Variants in NDRG4 observed in about 807,000 individuals in gnomAD.
The protein encoded by NDRG4 is protein NDRG4.
Under a neutral mutation model 55.8 loss-of-function variants are expected in NDRG4, and 38 were observed. The observed-to-expected ratio is 0.68, with a 90% CI of 0.53 to 0.89. The LOEUF is 0.89. Among genes scored for constraint, NDRG4 ranks in the 40% least tolerant of loss-of-function variants. NDRG4 has a pLI of 0.00. For synonymous variants in NDRG4, 190 were observed against 182.7 expected (o/e 1.04, Z -0.32); for missense variants, 455 against 468.6 (o/e 0.97, Z 0.27).
Position 58,503,595 on chromosome 16 carries a change from T to C in NDRG4, c.22-203T>C, listed in dbSNP as rs534514385. On this transcript the variant is annotated intron_variant, in intron 1 of 14. Coordinates refer to ENST00000570248, the MANE Select transcript of NDRG4 (RefSeq NM_001242835.2). The stretch of plus-strand genomic sequence containing the variant: ...CCTTCCCCATGCAGATCAGTTCACA[T>C]TGTCTCTGTACTGAACAGCCCTGAG... 58 of 984,646 alleles carry C rather than the reference T, an allele frequency of 5.9e-5. No homozygotes were observed. The East Asian group carries it at 1.0e-3, about 18-fold the overall frequency. The allele number at this position is 984,646 out of a possible 1,614,324, so 61.0% of individuals were successfully genotyped here. A position where few individuals can be genotyped will look rare whatever the true frequency, so the allele number is the denominator to read the frequency against.
In NDRG4 at chr16:58,509,297, G is replaced by A. The variant is rs373772449; in HGVS notation, c.814-4G>A. On this transcript the variant is annotated splice_polypyrimidine_tract_variant and splice_region_variant and intron_variant, in intron 12 of 14. Transcript: ENST00000570248. ...AAAGCATGTGCTTGTCCTGCCCTCC[G>A]CAGCCAGGGAAGCTGACTGAAGCCT... is the stretch of plus-strand genomic sequence containing the variant. 20 of 1,613,922 alleles carry A rather than the reference G, an allele frequency of 1.2e-5. No homozygotes were observed. The highest frequency in any genetic ancestry group is 6.7e-5 in the African/African-American group (5 of 74,932).
intron 1 of NDRG4, chr16:58,500,583 C>G (rs756335961): frequency 9.0e-5 from 48 of 535,060 alleles, no homozygotes; most frequent in Non-Finnish European, 1.4e-4. Flanking sequence ...CTGCATTGCC[C>G]GTGTGGACCC....
In NDRG4 at chr16:58,513,196, G is replaced by GTGTGTGTA. The variant is rs367680752; in HGVS notation, c.*1621_*1622insGTGTGTAT. On this transcript the variant is annotated 3_prime_UTR_variant, in exon 15 of 15. Coordinates refer to ENST00000570248, the MANE Select transcript of NDRG4 (RefSeq NM_001242835.2). ...TGTGTGTGTGTGTGTGTGTGTGTGTGTACATCGGGTCCTCCCATGTGTGGT... is the reference window on the plus strand; with the variant it reads ...TGTGTGTGTGTGTGTGTGTGTGTGTGTGTGTGTATACATCGGGTCCTCCCATGTGTGGT... 2,347 of 150,530 alleles carry GTGTGTGTA rather than the reference G, an allele frequency of 0.016. 33 individuals are homozygous for GTGTGTGTA. Among genetic ancestry groups the GTGTGTGTA allele is most frequent in the Middle Eastern group, 0.1 (30 of 290 alleles). The allele number at this position is 150,530 out of a possible 1,614,324, so 9.3% of individuals were successfully genotyped here.
upstream of NDRG4, among the ~76,000 whole-genome samples, chr16:58,497,394 A>T (rs1041787126): frequency 6.6e-5 from 10 of 152,220 alleles, no homozygotes; most frequent in Non-Finnish European, 1.5e-5. Flanking sequence ...AGCCTGGCAC[A>T]TGGAGGACAT....
chr16:58,505,098 C>T (rs975686248), intron 5 of NDRG4, among the ~76,000 whole-genome samples: 5 of 152,016 alleles, frequency 3.3e-5, no homozygotes, highest in East Asian at 3.9e-4. Context: ...ACCTGTAATC[C>T]CAGCACTTTG....
Position 58,511,666 on chromosome 16 carries a change from G to A in NDRG4, c.*90G>A. On this transcript the variant is annotated 3_prime_UTR_variant, in exon 15 of 15. Transcript: ENST00000570248. ...TTCCCTTTAGTTTATTTTTGTGAGG[G>A]CAAAGGGGAGGAAATGGGGTTCTGT... The A allele has an allele frequency of 6.7e-7, 1 of 1,500,926 alleles. No individual in the cohort carries two copies. The highest frequency in any genetic ancestry group is 9.3e-7 in the Non-Finnish European group (1 of 1,079,482). The allele number at this position is 1,500,926 out of a possible 1,614,324, so 93.0% of individuals were successfully genotyped here.
At position 58,511,453 on chromosome 16, in the gene NDRG4, C is replaced by T. The variant is rs1347068319; in HGVS notation, c.936C>T (p.Arg312=). 6.2e-7 allele frequency: 1 copy of T among 1,612,424 alleles called. No individual in the cohort carries two copies. Among genetic ancestry groups the T allele is most frequent in the East Asian group, 2.2e-5 (1 of 44,856 alleles). The part of the protein sequence containing the change: ...VPSASMTRLA[R]SRTASLTSAS... ...CAGCCAGCATGACCCGCCTGGCACGCTCCCGCACTGCATCCCTCACCAGTG... is the reference window on the plus strand; with the variant it reads ...CAGCCAGCATGACCCGCCTGGCACGTTCCCGCACTGCATCCCTCACCAGTG... Residue 312 remains arginine (R), a synonymous_variant, in exon 15 of 15, where the codon CGC becomes CGT. Transcript: ENST00000570248.
rs2033991045 is a variant in NDRG4, at chr16:58,478,548, A to G, written c.-23-9208A>G. On this transcript the variant is annotated intron_variant, in intron 1 of 15. Transcript: ENST00000258187. The stretch of plus-strand genomic sequence containing the variant: ...TTAGGAAAGCTGGTAAAATATATGT[A>G]CGTTCTGTATATTACTTAACAGTAT... Among the ~76,000 whole-genome samples the G allele has an allele frequency of 2.0e-5, 3 of 152,162 alleles. No individual in the cohort carries two copies. In the South Asian group the frequency reaches 6.2e-4, roughly 32 times the overall value.
chr16:58,503,998 A>G (rs1276759250), intron 2 of NDRG4, 95 bp downstream of exon 2: 1 of 1,503,422 alleles, frequency 6.7e-7, no homozygotes. Flanking sequence ...TGTCAGCCCC[A>G]CTCACACTCA....
upstream of NDRG4, chr16:58,500,050 A>C: frequency 7.0e-7 from 1 of 1,420,708 alleles, no homozygotes. Context: ...GCTCCTGGTA[A>C]GCGAGTGGCT....
At chr16:58,503,607 T>C in intron 1 of NDRG4, 191 bp from the exon 2 acceptor site, 1 of 1,108,060 alleles carries the variant, frequency 9.0e-7, no homozygotes, top group Non-Finnish European at 1.3e-6. Context: ...GTCTCTGTAC[T>C]GAACAGCCCT....
chr16:58,487,388 T>TG (rs2035219100), intron 1 of NDRG4, among the ~76,000 whole-genome samples: 1 of 151,938 alleles, frequency 6.6e-6, no homozygotes, highest in Admixed American at 6.6e-5. Context: ...AAGGTGGTGG[T>TG]GTGCACCTGT....
chr16:58,484,762 C>A (rs1014979204), intron 1 of NDRG4, among the ~76,000 whole-genome samples: 3 of 152,122 alleles, frequency 2.0e-5, no homozygotes, highest in African/African-American at 7.2e-5. Flanking sequence ...ACTTCATAGA[C>A]CCTGGCGTTC....
intron 1 of NDRG4, among the ~76,000 whole-genome samples, chr16:58,465,955 C>A (rs999512827): frequency 6.6e-6 from 1 of 152,158 alleles, no homozygotes; most frequent in South Asian, 2.1e-4. Flanking sequence ...GGAAGGGAAC[C>A]GCGCAGGCCA....
chr16:58,474,238 T>C (rs1405803676), intron 1 of NDRG4, among the ~76,000 whole-genome samples: 1 of 152,114 alleles, frequency 6.6e-6, no homozygotes, highest in East Asian at 1.9e-4. Context: ...AGACGGGGTT[T>C]CACCATGTTG....
chr16:58,511,834 C>G lies in NDRG4; in HGVS notation c.*258C>G. On this transcript the variant is annotated 3_prime_UTR_variant, in exon 15 of 15. Coordinates refer to ENST00000570248, the MANE Select transcript of NDRG4 (RefSeq NM_001242835.2). ...CTCATCCCACTCCCGGCGGCCCAGG[C>G]ACAGAAGGGCAGGGCCATAGGGAGG... 1 of 534,192 alleles carries G rather than the reference C, an allele frequency of 1.9e-6. No homozygotes were observed. Among genetic ancestry groups the G allele is most frequent in the Non-Finnish European group, 3.5e-6 (1 of 286,798 alleles). 33.1% of individuals were successfully genotyped at this position (534,192 alleles called of 1,614,324 possible). A position where few individuals can be genotyped will look rare whatever the true frequency, so the allele number is the denominator to read the frequency against.
chr16:58,504,728 C>A, intron 5 of NDRG4, 79 bp downstream of exon 5: 1 of 1,521,662 alleles, frequency 6.6e-7, no homozygotes. Flanking sequence ...TGGGGGGAAC[C>A]CTTCAGCCTT....
At chr16:58,484,859 C>T (rs1045259502) in intron 1 of NDRG4, among the ~76,000 whole-genome samples, 3 of 148,458 alleles carry the variant, frequency 2.0e-5, no homozygotes, top group Non-Finnish European at 3.0e-5. Flanking sequence ...TATCACACAG[C>T]TTCTTAAAAA....
At chr16:58,472,928 C>T (rs1430929155) in intron 1 of NDRG4, among the ~76,000 whole-genome samples, 1 of 152,074 alleles carries the variant, frequency 6.6e-6, no homozygotes, top group Non-Finnish European at 1.5e-5. Context: ...GCCTCAGTGG[C>T]TTCTCATTGG....
Sources: allele counts gnomAD v4.1 joint callset (sites outside exome capture counted in the v4.1 genomes callset), GRCh38; gene constraint gnomAD v4.1.1; transcripts MANE v1.5; gene names NCBI Gene and HGNC (gene_info 2026-07-23, HGNC 2026-07-21).